The following BRD4 variants were observed in gnomAD, a reference collection of about 807,000 sequenced individuals.
BRD4 encodes the protein bromodomain containing 4, also known as bromodomain-containing protein 4.
Under a neutral mutation model 142.1 loss-of-function variants are expected in BRD4, and 16 were observed. The observed-to-expected ratio is 0.11, with a 90% CI of 0.08 to 0.17. The LOEUF (loss-of-function observed/expected upper bound fraction) is 0.17, where lower values mean the gene tolerates loss of function less well. Ranked by LOEUF, BRD4 falls within the 10% of genes least tolerant of loss-of-function variation. BRD4 has a pLI of 1.00. For synonymous variants in BRD4, 833 were observed against 707.5 expected, an observed-to-expected ratio of 1.18 and a Z score of -2.82; for missense variants, 1,424 against 1,810.9, an observed-to-expected ratio of 0.79 and a Z score of 3.88.
At chr19:15,263,358 T>G (rs2145595038) in intron 7 of BRD4, 62 bp downstream of exon 7, 1 of 1,568,822 alleles carries the variant, frequency 6.4e-7, no homozygotes, top group Non-Finnish European at 8.7e-7. Flanking sequence ...CCCACAGAAG[T>G]CTGCTCCCAC....
chr19:15,295,197 T>C (rs1158000270), intron 1 of BRD4, among the ~76,000 whole-genome samples: 1 of 152,154 alleles, frequency 6.6e-6, no homozygotes, highest in African/African-American at 2.4e-5. Context: ...CTGGTGTCTA[T>C]GCATACTGTA....
At chr19:15,251,482 A>G in intron 11 of BRD4, among the ~76,000 whole-genome samples, 1 of 130,894 alleles carries the variant, frequency 7.6e-6, no homozygotes, top group East Asian at 2.2e-4. Context: ...CAAATCAACT[A>G]GGCACCAAAA....
intron 1 of BRD4, among the ~76,000 whole-genome samples, chr19:15,323,841 T>G (rs1357358010): frequency 2.0e-5 from 3 of 152,170 alleles, no homozygotes; most frequent in Non-Finnish European, 2.9e-5. Flanking sequence ...TCACACTTTT[T>G]CAGGCAGAAA....
At position 15,238,311 on chromosome 19, in the gene BRD4, G is replaced by A. The variant is rs201672958; in HGVS notation, c.*66C>T. Reference sequence around the variant, plus strand: ...GGCCGCTGATCCCACCTCCACCACCGCCCCTAACACTATGGAAAGTCAATG... The same window carrying A: ...GGCCGCTGATCCCACCTCCACCACCACCCCTAACACTATGGAAAGTCAATG... On this transcript the variant is annotated 3_prime_UTR_variant, in exon 20 of 20. Coordinates refer to ENST00000679869, the MANE Select transcript of BRD4 (RefSeq NM_001379291.1). This position sits in a 1 kb window ranked among gnomAD's most constrained non-coding sequence, Gnocchi z 7.2. 2.2e-5 allele frequency: 35 copies of A among 1,603,888 alleles called. No homozygotes were observed. The highest frequency in any genetic ancestry group is 5.3e-5 in the African/African-American group (4 of 74,784).
rs2047190773 is a variant in BRD4, at chr19:15,236,183, T to C, written c.*2194A>G. 1 of 152,194 alleles carries C rather than the reference T, an allele frequency of 6.6e-6. No individual in the cohort carries two copies. Among genetic ancestry groups the C allele is most frequent in the Non-Finnish European group, 1.5e-5 (1 of 68,048 alleles). The allele number at this position is 152,194 out of a possible 1,614,324, so 9.4% of individuals were successfully genotyped here. On this transcript the variant is annotated 3_prime_UTR_variant, in exon 20 of 20. Transcript: ENST00000679869. The stretch of plus-strand genomic sequence containing the variant: ...GGGGATGTAGGAGAATAAACAGTGC[T>C]AGAAATGTTTCAATCAGTTTGTCTC...
In BRD4 at chr19:15,264,682, C is replaced by T. The variant is rs770105488; in HGVS notation, c.934G>A (p.Glu312Lys). ...PIHEPPSLPP[E>K]PKTTKLGQRR... ...TGGCCCAGCTTGGTGGTCTTGGGCTCCGGGGGCAGCGAGGGTGGCTCGTGA... is the reference window on the plus strand; with the variant it reads ...TGGCCCAGCTTGGTGGTCTTGGGCTTCGGGGGCAGCGAGGGTGGCTCGTGA... The change falls in exon 6 of 20, where the codon GAG becomes AAG. Residue 312 changes from glutamate (E) to lysine (K), a missense_variant. Glu to Lys is a moderately conservative substitution (Grantham distance 56). Around this residue, in one of 16 missense-constraint regions of BRD4, gnomAD observed 86 missense variants for 79.9 expected, o/e 1.08. Coordinates refer to ENST00000679869, the MANE Select transcript of BRD4 (RefSeq NM_001379291.1). 1 of 1,613,350 alleles carries T rather than the reference C, an allele frequency of 6.2e-7. No homozygotes were observed. The highest frequency in any genetic ancestry group is 8.5e-7 in the Non-Finnish European group (1 of 1,180,032).
At chr19:15,303,184 G>C (rs1314650308) in intron 1 of BRD4, among the ~76,000 whole-genome samples, 1 of 152,154 alleles carries the variant, frequency 6.6e-6, no homozygotes, top group Non-Finnish European at 1.5e-5. Context: ...AACTGGAGAA[G>C]AGAAGCTATT....
chr19:15,307,095 G>A (rs1485259404), intron 1 of BRD4, among the ~76,000 whole-genome samples: 1 of 152,176 alleles, frequency 6.6e-6, no homozygotes, highest in Non-Finnish European at 1.5e-5. Flanking sequence ...AGGAAATGAA[G>A]TAGGGAAAGG....
At chr19:15,294,396 C>T (rs1173947308) in intron 1 of BRD4, among the ~76,000 whole-genome samples, 1 of 152,220 alleles carries the variant, frequency 6.6e-6, no homozygotes, top group Non-Finnish European at 1.5e-5. Flanking sequence ...GTGAATGGGC[C>T]CATTTGCTTC....
At chr19:15,282,608 AT>A (rs1366318727) in intron 1 of BRD4, among the ~76,000 whole-genome samples, 2 of 152,228 alleles carry the variant, frequency 1.3e-5, no homozygotes. Flanking sequence ...CTGAAAGATT[AT>A]GATAGAAATG....
intron 1 of BRD4, among the ~76,000 whole-genome samples, chr19:15,315,512 G>T (rs552183231): frequency 3.3e-5 from 5 of 151,676 alleles, no homozygotes; most frequent in African/African-American, 9.7e-5. Flanking sequence ...AAGGGGATTG[G>T]GGGGGGGAAG....
At chr19:15,261,405 C>T (rs980854110) in intron 7 of BRD4, among the ~76,000 whole-genome samples, 3 of 151,952 alleles carry the variant, frequency 2.0e-5, no homozygotes, top group African/African-American at 7.3e-5. Context: ...ACTGCTTGAA[C>T]CAGGAGGCGG....
chr19:15,305,504 A>G (rs981204038), intron 1 of BRD4, among the ~76,000 whole-genome samples: 1 of 152,232 alleles, frequency 6.6e-6, no homozygotes, highest in Non-Finnish European at 1.5e-5. Context: ...ATTTTGAAAA[A>G]TATTTTTTCT....
intron 1 of BRD4, among the ~76,000 whole-genome samples, chr19:15,291,845 G>A (rs957365440): frequency 5.3e-5 from 8 of 152,168 alleles, no homozygotes; most frequent in African/African-American, 1.9e-4. Flanking sequence ...TGGTTTGCAT[G>A]CTGTACTACT....
intron 1 of BRD4, among the ~76,000 whole-genome samples, chr19:15,312,955 G>A (rs1012249498): frequency 2.6e-5 from 4 of 152,050 alleles, no homozygotes; most frequent in South Asian, 2.1e-4. Context: ...GATGTCAGGC[G>A]TAGCTACTCA....
At chr19:15,310,051 G>C (rs2047953242) in intron 1 of BRD4, among the ~76,000 whole-genome samples, 1 of 152,000 alleles carries the variant, frequency 6.6e-6, no homozygotes, top group South Asian at 2.1e-4. Flanking sequence ...GCAATGCATA[G>C]AGAAATGTTA....
rs1196513569 is a variant in BRD4, at chr19:15,236,234, T to A, written c.*2143A>T. The stretch of plus-strand genomic sequence containing the variant: ...TGCATACATATAAATTATATACTTG[T>A]ATCTTACATCTTAGGGGCTCTTCTT... On this transcript the variant is annotated 3_prime_UTR_variant, in exon 20 of 20. Coordinates refer to ENST00000679869, the MANE Select transcript of BRD4 (RefSeq NM_001379291.1). 1.3e-5 allele frequency: 2 copies of A among 152,240 alleles called. No individual in the cohort carries two copies. The highest frequency in any genetic ancestry group is 2.4e-5 in the African/African-American group (1 of 41,460). The allele number at this position is 152,240 out of a possible 1,614,324, so 9.4% of individuals were successfully genotyped here. A position where few individuals can be genotyped will look rare whatever the true frequency, so the allele number is the denominator to read the frequency against.
chr19:15,239,625 C>T lies in BRD4; in HGVS notation c.3445+34G>A. 6.4e-7 allele frequency: 1 copy of T among 1,560,496 alleles called. No individual in the cohort carries two copies. Among genetic ancestry groups the T allele is most frequent in the South Asian group, 1.2e-5 (1 of 84,580 alleles). On this transcript the variant is annotated intron_variant, in intron 16 of 19. Transcript: ENST00000679869. This position sits in a 1 kb window ranked among gnomAD's most constrained non-coding sequence, Gnocchi z 7.4. The stretch of plus-strand genomic sequence containing the variant: ...ATGTCCAACACGGGCCTCGGGGGGC[C>T]TGAGCCCTGGCTGTGGGCAGGGAGA...
At chr19:15,250,051 C>A (rs565034499) in intron 11 of BRD4, among the ~76,000 whole-genome samples, 2 of 152,168 alleles carry the variant, frequency 1.3e-5, no homozygotes, top group African/African-American at 4.8e-5. Flanking sequence ...ACCCACGTAG[C>A]AGAGCGGATG....
Sources: allele counts gnomAD v4.1 joint callset (sites outside exome capture counted in the v4.1 genomes callset), GRCh38; gene constraint gnomAD v4.1.1; regional missense constraint gnomAD v4.1.1; non-coding constraint Gnocchi (gnomAD v3.1); transcripts MANE v1.5; gene names NCBI Gene and HGNC (gene_info 2026-07-23, HGNC 2026-07-21).